Variants in SNX24 observed in about 807,000 individuals in gnomAD.
SNX24 encodes the protein sorting nexin 24, also known as sorting nexin-24.
SNX24 carries 22 observed loss-of-function variants against 28.7 expected under a neutral mutation model. The ratio of observed to expected loss-of-function variants is 0.77; its 90% CI spans 0.55 to 1.10. SNX24 has a LOEUF of 1.10. SNX24 is among the 50% of genes least tolerant of loss of function. The pLI is 0.00. For missense variants in SNX24, 221 were observed against 201.1 expected, an observed-to-expected ratio of 1.10 and a Z score of -0.60; for synonymous variants, 69 against 71.5, an observed-to-expected ratio of 0.96 and a Z score of 0.18.
chr5:122,893,931 C>T (rs914690094), intron 1 of SNX24, among the ~76,000 whole-genome samples: 3 of 151,804 alleles, frequency 2.0e-5, no homozygotes, highest in Non-Finnish European at 4.4e-5. Flanking sequence ...CTTTGTAATC[C>T]CAGCTACTTG....
intron 5 of SNX24, chr5:123,023,837 C>CACAT: frequency 6.3e-7 from 1 of 1,592,304 alleles, no homozygotes; most frequent in Non-Finnish European, 8.6e-7. Context: ...CACACACACA[C>CACAT]CCCTGCCAAA....
intron 3 of SNX24, among the ~76,000 whole-genome samples, chr5:122,995,319 G>C (rs1428735205): frequency 1.3e-5 from 2 of 152,200 alleles, no homozygotes; most frequent in Non-Finnish European, 2.9e-5. Flanking sequence ...TAACTTAAAA[G>C]ATCATTATCC....
intron 5 of SNX24, chr5:123,022,671 T>C (rs1216112314): frequency 1.3e-5 from 2 of 152,254 alleles, no homozygotes; most frequent in African/African-American, 4.8e-5. Flanking sequence ...CCAAACAGTA[T>C]AGATACCCCA....
chr5:122,878,409 A>T (rs1194610072), intron 1 of SNX24, among the ~76,000 whole-genome samples: 1 of 152,186 alleles, frequency 6.6e-6, no homozygotes, highest in Non-Finnish European at 1.5e-5. Context: ...ACCCTGCCAG[A>T]TGCTTTGACT....
At chr5:122,927,540 C>T (rs75848150) in intron 1 of SNX24, among the ~76,000 whole-genome samples, 2,018 of 152,108 alleles carry the variant, frequency 0.013, 20 homozygotes, top group Non-Finnish European at 0.024. Flanking sequence ...TTAGGGAGAA[C>T]ATTGACAGAC....
chr5:122,883,535 A>G lies in SNX24; in HGVS notation c.60+37842A>G, dbSNP rs529588268. ...GATGGTTAGCTTTTGCCATAACTCT[A>G]TGAACTTCTATTAATGTCTGCATTA... On this transcript the variant is annotated intron_variant, in intron 1 of 6. Coordinates refer to ENST00000261369, the MANE Select transcript of SNX24 (RefSeq NM_014035.4). 3.3e-5 allele frequency among the ~76,000 whole-genome samples: 5 copies of G among 152,308 alleles called. No individual in the cohort carries two copies. In the South Asian group the frequency reaches 8.3e-4, roughly 25 times the overall value.
chr5:122,976,581 A>G (rs1387536306), intron 3 of SNX24, among the ~76,000 whole-genome samples: 1 of 152,214 alleles, frequency 6.6e-6, no homozygotes, highest in East Asian at 1.9e-4. Context: ...TCCCCTGGTC[A>G]GGTTCTGCCA....
At chr5:123,014,994 A>T (rs1255198920) in intron 5 of SNX24, among the ~76,000 whole-genome samples, 2 of 152,196 alleles carry the variant, frequency 1.3e-5, no homozygotes, top group Admixed American at 1.3e-4. Flanking sequence ...CACCCCATCT[A>T]AAGTAGCACC....
chr5:123,027,688 T>C (rs2150189074), intron 5 of SNX24, among the ~76,000 whole-genome samples: 1 of 152,332 alleles, frequency 6.6e-6, no homozygotes, highest in Admixed American at 6.5e-5. Context: ...TTTTTGGTTA[T>C]AAACAAACCA....
rs188073022 is a variant in SNX24, at chr5:122,904,766, G to A, written c.61-31968G>A. On this transcript the variant is annotated intron_variant, in intron 1 of 6. Coordinates refer to ENST00000261369, the MANE Select transcript of SNX24 (RefSeq NM_014035.4). ...AACATGTCAACTAAGAAAGCTAAAC[G>A]TTTCACATTGATAATAAATCTGAGA... Among the ~76,000 whole-genome samples, 283 of 152,218 alleles carry A rather than the reference G, an allele frequency of 1.9e-3. 2 individuals carry two copies. The highest frequency in any genetic ancestry group is 6.6e-3 in the African/African-American group (273 of 41,522).
chr5:122,878,833 G>A (rs1036722431), intron 1 of SNX24, among the ~76,000 whole-genome samples: 4 of 151,726 alleles, frequency 2.6e-5, no homozygotes, highest in Non-Finnish European at 5.9e-5. Context: ...AAAATTAGCC[G>A]AGTGTGGTGG....
In SNX24 at chr5:122,981,432, T is replaced by C. The variant is rs77296641; in HGVS notation, c.250-18480T>C. Among the ~76,000 whole-genome samples the C allele has an allele frequency of 8.5e-3, 1,298 of 152,270 alleles. 8 individuals carry two copies. Among genetic ancestry groups the C allele is most frequent in the Non-Finnish European group, 0.012 (820 of 68,014 alleles). On this transcript the variant is annotated intron_variant, in intron 3 of 6. Coordinates refer to ENST00000261369, the MANE Select transcript of SNX24 (RefSeq NM_014035.4). ...TGAAAAAGATGTACTTTTAAAAAGG[T>C]TTTACTGAGGTATAATTTACATAGC...
intron 2 of SNX24, among the ~76,000 whole-genome samples, chr5:122,942,389 A>G (rs542541899): frequency 6.6e-6 from 1 of 152,208 alleles, no homozygotes; most frequent in Non-Finnish European, 1.5e-5. Context: ...ATTCTCTTCA[A>G]AGGGAACCCT....
At chr5:122,895,525 C>T (rs1345750223) in intron 1 of SNX24, among the ~76,000 whole-genome samples, 1 of 152,110 alleles carries the variant, frequency 6.6e-6, no homozygotes, top group Non-Finnish European at 1.5e-5. Context: ...AGAGGCACAT[C>T]GGCACTGTGT....
intron 5 of SNX24, among the ~76,000 whole-genome samples, chr5:123,027,138 G>A (rs529372881): frequency 1.3e-5 from 2 of 152,200 alleles, no homozygotes; most frequent in African/African-American, 4.8e-5. Flanking sequence ...AGGTTGTAGT[G>A]AGCCAAGATC....
intron 3 of SNX24, among the ~76,000 whole-genome samples, chr5:122,953,996 A>G (rs1760083036): frequency 6.6e-6 from 1 of 152,162 alleles, no homozygotes; most frequent in Admixed American, 6.5e-5. Context: ...ACAAGACCCT[A>G]TTACTTGACT....
chr5:123,013,651 T>C (rs1266611341), downstream of SNX24, among the ~76,000 whole-genome samples: 1 of 152,196 alleles, frequency 6.6e-6, no homozygotes, highest in Admixed American at 6.5e-5. Context: ...AAATTTTGTG[T>C]CCTAAGAATG....
rs1561731123 is a variant in SNX24 at position 123,007,857 on chromosome 5, A to G, written c.*108A>G. ...GCTATGATATATAACAGCTCTAGCT[A>G]GTGGTAAAGTGCACAGTCCCAGCTT... On this transcript the variant is annotated 3_prime_UTR_variant, in exon 7 of 7. Coordinates refer to ENST00000261369, the MANE Select transcript of SNX24 (RefSeq NM_014035.4). The G allele has an allele frequency of 1.2e-5, 18 of 1,513,762 alleles. No homozygotes were observed. The East Asian group carries it at 4.0e-4, about 34-fold the overall frequency. 93.8% of individuals were successfully genotyped at this position (1,513,762 alleles called of 1,614,324 possible). A position where few individuals can be genotyped will look rare whatever the true frequency, so the allele number is the denominator to read the frequency against.
At chr5:123,013,360 C>T (rs1469075624), downstream of SNX24, among the ~76,000 whole-genome samples, 1 of 152,196 alleles carries the variant, frequency 6.6e-6, no homozygotes, top group Non-Finnish European at 1.5e-5. Context: ...CTGTCTTCTT[C>T]CAGTCTCTCT....
Sources: gnomAD v4.1 joint callset for allele counts (sites outside exome capture counted in the v4.1 genomes callset) on GRCh38, gnomAD v4.1.1 for gene constraint, MANE v1.5 for transcripts, NCBI Gene and HGNC (gene_info 2026-07-23, HGNC 2026-07-21) for gene names.